The following SLC25A48 variants were observed in gnomAD, a reference collection of about 807,000 sequenced individuals.
SLC25A48 encodes the protein solute carrier family 25 member 48.
SLC25A48 carries 29 observed loss-of-function variants against 32.2 expected under a neutral mutation model. The ratio of observed to expected loss-of-function variants is 0.90; its 90% CI spans 0.67 to 1.23. The LOEUF (loss-of-function observed/expected upper bound fraction) is 1.23, where lower values mean the gene tolerates loss of function less well. Ranked by LOEUF, SLC25A48 falls within the 50% of genes most tolerant of loss-of-function variation. The pLI is 0.00. For missense variants in SLC25A48, 399 were observed against 422.7 expected, an observed-to-expected ratio of 0.94 and a Z score of 0.49; for synonymous variants, 164 against 172.3, an observed-to-expected ratio of 0.95 and a Z score of 0.38.
intron 4 of SLC25A48, among the ~76,000 whole-genome samples, chr5:135,813,858 C>G (rs1412431244): frequency 6.6e-6 from 1 of 152,158 alleles, no homozygotes. Flanking sequence ...GGAACAAAGG[C>G]ACTTGATGTG....
At chr5:135,751,662 T>C (rs1755773753) in intron 3 of SLC25A48, among the ~76,000 whole-genome samples, 1 of 151,924 alleles carries the variant, frequency 6.6e-6, no homozygotes, top group Non-Finnish European at 1.5e-5. Context: ...AGTGAGACCC[T>C]GTCTCTACAA....
At position 135,697,310 on chromosome 5, in the gene SLC25A48, T is replaced by A. The variant is rs1754291978; in HGVS notation, c.-521+62354T>A. Among the ~76,000 whole-genome samples, 3 of 150,594 alleles carry A rather than the reference T, an allele frequency of 2.0e-5. No homozygotes were observed. The South Asian group carries it at 6.4e-4, about 32-fold the overall frequency. ...AGAGAGGCAACACAGAGGCTGCCCC[T>A]CCACAGTGCTATCTCAGCTTGGCTC... On this transcript the variant is annotated intron_variant, in intron 3 of 10. Coordinates refer to the SLC25A48 transcript ENST00000646290.
chr5:135,851,334 C>G (rs1455230017), intron 3 of SLC25A48, among the ~76,000 whole-genome samples: 2 of 152,162 alleles, frequency 1.3e-5, no homozygotes, highest in African/African-American at 4.8e-5. Context: ...CGCTGCAAGC[C>G]CAGCACTTGG....
At chr5:135,764,878 A>G (rs1263999400) in intron 3 of SLC25A48, among the ~76,000 whole-genome samples, 4 of 151,254 alleles carry the variant, frequency 2.6e-5, no homozygotes, top group Admixed American at 6.6e-5. Context: ...CCCATATCGC[A>G]GGGGGTGTAT....
rs76395519 is a variant in SLC25A48, at chr5:135,888,252, C to A, written c.*228C>A. On this transcript the variant is annotated 3_prime_UTR_variant, in exon 8 of 8. Transcript: ENST00000681962. ...GTTCTGATCCCCAATGCCCACTCTGCTAGGCTGGCATCAAAGAGCTTTCCA... is the reference window on the plus strand; with the variant it reads ...GTTCTGATCCCCAATGCCCACTCTGATAGGCTGGCATCAAAGAGCTTTCCA... The A allele has an allele frequency of 3.4e-3, 1,908 of 555,464 alleles. 29 individuals carry two copies. The highest frequency in any genetic ancestry group is 0.032 in the African/African-American group (1,700 of 53,396). 34.4% of individuals were successfully genotyped at this position (555,464 alleles called of 1,614,324 possible).
chr5:135,598,162 A>G (rs1285065677), intron 1 of SLC25A48, among the ~76,000 whole-genome samples: 1 of 152,230 alleles, frequency 6.6e-6, no homozygotes, highest in Non-Finnish European at 1.5e-5. Flanking sequence ...AAAAAGTGAC[A>G]TAATTATTAT....
intron 1 of SLC25A48, among the ~76,000 whole-genome samples, chr5:135,599,837 G>A (rs80006313): frequency 1.5e-4 from 23 of 152,244 alleles, no homozygotes; most frequent in African/African-American, 2.2e-4. Context: ...TCTGGCCTTC[G>A]CACTCCCAGG....
At chr5:135,580,657 T>C (rs941733477) in intron 1 of SLC25A48, among the ~76,000 whole-genome samples, 24 of 152,258 alleles carry the variant, frequency 1.6e-4, no homozygotes, top group African/African-American at 5.8e-4. Flanking sequence ...CTTTTGGCAT[T>C]TATGTTAGTT....
At chr5:135,665,621 G>A (rs1324806584) in intron 3 of SLC25A48, among the ~76,000 whole-genome samples, 1 of 152,122 alleles carries the variant, frequency 6.6e-6, no homozygotes, top group Non-Finnish European at 1.5e-5. Flanking sequence ...GTGAGAGATA[G>A]GGATCGCGTT....
chr5:135,692,044 G>A (rs1474463903), intron 3 of SLC25A48, among the ~76,000 whole-genome samples: 10 of 152,278 alleles, frequency 6.6e-5, no homozygotes, highest in East Asian at 1.9e-4. Flanking sequence ...CAGTCCGGGC[G>A]CGGTGGCTCA....
At chr5:135,829,267 G>T (rs576913295) in intron 4 of SLC25A48, among the ~76,000 whole-genome samples, 1 of 152,134 alleles carries the variant, frequency 6.6e-6, no homozygotes, top group Non-Finnish European at 1.5e-5. Context: ...ACAGCAGCAC[G>T]CAGCAGGGTC....
At chr5:135,865,706 C>T (rs1211553052) in intron 4 of SLC25A48, among the ~76,000 whole-genome samples, 1 of 152,140 alleles carries the variant, frequency 6.6e-6, no homozygotes, top group Non-Finnish European at 1.5e-5. Context: ...ACAACACACT[C>T]AGAAAACAGT....
At chr5:135,864,678 A>G (rs1193824208) in intron 4 of SLC25A48, among the ~76,000 whole-genome samples, 2 of 152,256 alleles carry the variant, frequency 1.3e-5, no homozygotes, top group Admixed American at 1.3e-4. Flanking sequence ...CCTTGTTCTG[A>G]ACGGTTTGAC....
chr5:135,582,302 C>G (rs1751252955), intron 1 of SLC25A48, among the ~76,000 whole-genome samples: 1 of 152,138 alleles, frequency 6.6e-6, no homozygotes, highest in Non-Finnish European at 1.5e-5. Context: ...AGCTGTGTGC[C>G]TGTCCCCAAG....
chr5:135,740,350 C>T (rs937614541), intron 3 of SLC25A48, among the ~76,000 whole-genome samples: 6 of 152,032 alleles, frequency 3.9e-5, no homozygotes, highest in Non-Finnish European at 7.4e-5. Flanking sequence ...CATACCACTA[C>T]GCTCAATTAA....
At chr5:135,698,692 G>A (rs543863989) in intron 3 of SLC25A48, among the ~76,000 whole-genome samples, 3 of 152,198 alleles carry the variant, frequency 2.0e-5, no homozygotes, top group Non-Finnish European at 2.9e-5. Context: ...AAAGAAACAA[G>A]AATAAACTGG....
chr5:135,734,595 A>C (rs1242767434), intron 3 of SLC25A48, among the ~76,000 whole-genome samples: 1 of 151,986 alleles, frequency 6.6e-6, no homozygotes, highest in Non-Finnish European at 1.5e-5. Context: ...TGGGAGGCTG[A>C]GGCGGGTGGA....
chr5:135,813,356 A>G (rs1380369836), intron 4 of SLC25A48, among the ~76,000 whole-genome samples: 2 of 152,168 alleles, frequency 1.3e-5, no homozygotes, highest in Non-Finnish European at 2.9e-5. Flanking sequence ...AGTTGTCCAC[A>G]GTCAGAGTGA....
chr5:135,844,816 C>T (rs1759280565), intron 2 of SLC25A48, among the ~76,000 whole-genome samples: 1 of 152,106 alleles, frequency 6.6e-6, no homozygotes, highest in African/African-American at 2.4e-5. Context: ...CAGTGGGACA[C>T]CTCAAAAGAT....
Sources: gnomAD v4.1 joint callset for allele counts (sites outside exome capture counted in the v4.1 genomes callset) on GRCh38, gnomAD v4.1.1 for gene constraint, MANE v1.5 for transcripts, NCBI Gene and HGNC (gene_info 2026-07-23, HGNC 2026-07-21) for gene names.